Variants in CCNJL observed in about 807,000 individuals in gnomAD.
CCNJL encodes the protein cyclin J like.
A neutral mutation model predicts 33.4 loss-of-function variants in CCNJL; 33 were observed. That is an observed-to-expected ratio of 0.99 (90% CI 0.75 to 1.32). CCNJL has a LOEUF of 1.32. Ranked by LOEUF, CCNJL falls within the 40% of genes most tolerant of loss-of-function variation. The pLI is 0.00. For synonymous variants in CCNJL, 227 were observed against 220.9 expected (o/e 1.03, Z -0.24); for missense variants, 512 against 499.7 (o/e 1.02, Z -0.23).
intron 2 of CCNJL, among the ~76,000 whole-genome samples, chr5:160,287,557 G>A (rs957667916): frequency 7.2e-5 from 11 of 152,242 alleles, no homozygotes; most frequent in Non-Finnish European, 1.5e-5. Context: ...AGGGGGTGCA[G>A]GGAAGGCATT....
intron 2 of CCNJL, among the ~76,000 whole-genome samples, chr5:160,281,220 A>G (rs1191579321): frequency 2.6e-5 from 4 of 152,116 alleles, no homozygotes; most frequent in Non-Finnish European, 5.9e-5. Context: ...TGCCTAGCAC[A>G]CCTGTGACCT....
At chr5:160,319,919 CAATAAATAAAT>C (rs1561812151) in intron 1 of CCNJL, among the ~76,000 whole-genome samples, 1 of 151,334 alleles carries the variant, frequency 6.6e-6, no homozygotes, top group Non-Finnish European at 1.5e-5. Context: ...GACCCTGTCT[CAATAAATAAAT>C]AATAAATAAA....
upstream of CCNJL, among the ~76,000 whole-genome samples, chr5:160,317,403 C>T (rs1345095130): frequency 6.6e-6 from 1 of 152,182 alleles, no homozygotes; most frequent in Non-Finnish European, 1.5e-5. Flanking sequence ...CAGCTCCATC[C>T]ATATAGAAAA....
intron 3 of CCNJL, among the ~76,000 whole-genome samples, chr5:160,269,137 T>A (rs1367843496): frequency 6.6e-6 from 1 of 152,256 alleles, no homozygotes; most frequent in African/African-American, 2.4e-5. Context: ...AGAGGTGGCA[T>A]TCGGCCAGCT....
chr5:160,272,901 A>C (rs564703327), intron 3 of CCNJL, among the ~76,000 whole-genome samples: 18 of 152,368 alleles, frequency 1.2e-4, no homozygotes, highest in African/African-American at 4.3e-4. Context: ...GTCACTGTAC[A>C]GCAGTGAAAA....
At chr5:160,316,571 G>A (rs528432537), upstream of CCNJL, among the ~76,000 whole-genome samples, 25 of 152,222 alleles carry the variant, frequency 1.6e-4, no homozygotes, top group African/African-American at 5.3e-4. Flanking sequence ...AAATGTACAC[G>A]TTCTCCCTCT....
At chr5:160,278,726 C>G (rs1447264490) in intron 3 of CCNJL, among the ~76,000 whole-genome samples, 1 of 152,172 alleles carries the variant, frequency 6.6e-6, no homozygotes, top group Admixed American at 6.5e-5. Flanking sequence ...TCCATGGCCC[C>G]ATGGAAATAT....
chr5:160,309,728 G>C (rs1186087939), intron 2 of CCNJL, among the ~76,000 whole-genome samples: 2 of 152,152 alleles, frequency 1.3e-5, no homozygotes, highest in African/African-American at 4.8e-5. Flanking sequence ...AGGAAATAAA[G>C]TAAAGGAGAA....
At chr5:160,321,016 T>C (rs201439390) in intron 1 of CCNJL, among the ~76,000 whole-genome samples, 291 of 18,710 alleles carry the variant, frequency 0.016, 10 homozygotes, top group African/African-American at 0.041. Context: ...CTCTCTCTCT[T>C]TCTTTCTTTC....
chr5:160,311,208 G>A (rs1175993096), intron 2 of CCNJL, among the ~76,000 whole-genome samples: 1 of 152,052 alleles, frequency 6.6e-6, no homozygotes. Context: ...CCCACCTTCT[G>A]CCACAGGAGG....
chr5:160,270,433 A>G (rs532697836), intron 3 of CCNJL, among the ~76,000 whole-genome samples: 10 of 151,400 alleles, frequency 6.6e-5, no homozygotes, highest in African/African-American at 2.4e-4. Flanking sequence ...GACAGAGCAA[A>G]ATGGTGTCTC....
intron 2 of CCNJL, among the ~76,000 whole-genome samples, chr5:160,283,815 T>C (rs1379388738): frequency 6.6e-6 from 1 of 151,934 alleles, no homozygotes. Flanking sequence ...CTACTCTCTA[T>C]GTCCATGAGT....
At chr5:160,273,521 A>G (rs1761908390) in intron 3 of CCNJL, among the ~76,000 whole-genome samples, 1 of 152,074 alleles carries the variant, frequency 6.6e-6, no homozygotes. Flanking sequence ...ACAGTGTGAG[A>G]GGTGAAAGAA....
chr5:160,308,100 C>T (rs879772681), intron 2 of CCNJL, among the ~76,000 whole-genome samples: 2 of 152,202 alleles, frequency 1.3e-5, no homozygotes, highest in Non-Finnish European at 2.9e-5. Context: ...TTACCCATCA[C>T]ATCTGTGGAC....
At chr5:160,311,154 C>T (rs1255276024) in intron 2 of CCNJL, among the ~76,000 whole-genome samples, 1 of 152,154 alleles carries the variant, frequency 6.6e-6, no homozygotes, top group African/African-American at 2.4e-5. Context: ...CCCTTCTCTC[C>T]TTGAGGGGAG....
chr5:160,328,028 C>A (rs1763561256), intron 1 of CCNJL, among the ~76,000 whole-genome samples: 1 of 152,158 alleles, frequency 6.6e-6, no homozygotes, highest in African/African-American at 2.4e-5. Flanking sequence ...CAGCCATGCC[C>A]CGGCTAGAGG....
Position 160,253,212 on chromosome 5 carries a change from A to C in CCNJL, c.*166T>G. On this transcript the variant is annotated 3_prime_UTR_variant, in exon 6 of 6. Coordinates refer to ENST00000257536, the MANE Select transcript of CCNJL (RefSeq NM_001308173.3). ...TGCTCTCGGGTGAGGTATGTTATTG[A>C]ATGTTTTGCTCTGGGTCAGTTTTAT... 1.8e-6 allele frequency: 1 copy of C among 552,826 alleles called. No individual in the cohort carries two copies. The highest frequency in any genetic ancestry group is 3.1e-5 in the East Asian group (1 of 32,168). 34.2% of individuals were successfully genotyped at this position (552,826 alleles called of 1,614,324 possible). A position where few individuals can be genotyped will look rare whatever the true frequency, so the allele number is the denominator to read the frequency against.
upstream of CCNJL, among the ~76,000 whole-genome samples, chr5:160,317,386 G>A (rs374187557): frequency 7.2e-5 from 11 of 152,166 alleles, no homozygotes; most frequent in South Asian, 2.1e-4. Context: ...TCCCTCTCAC[G>A]CAGGGCCAGC....
intron 3 of CCNJL, among the ~76,000 whole-genome samples, chr5:160,271,580 T>C (rs1761835344): frequency 6.6e-6 from 1 of 152,204 alleles, no homozygotes; most frequent in African/African-American, 2.4e-5. Flanking sequence ...CACCATGTCC[T>C]CCGCTCACTG....
Sources: allele counts gnomAD v4.1 joint callset (sites outside exome capture counted in the v4.1 genomes callset), GRCh38; gene constraint gnomAD v4.1.1; transcripts MANE v1.5; gene names NCBI Gene and HGNC (gene_info 2026-07-23, HGNC 2026-07-21).